FAM185A: variants seen among roughly 807,000 people sequenced by gnomAD.
The protein encoded by FAM185A is protein FAM185A.
In FAM185A, 21 loss-of-function variants were observed where a neutral mutation model predicts 45.7. The observed-to-expected ratio is 0.46, with a 90% CI of 0.33 to 0.66. FAM185A has a LOEUF of 0.66. Ranked by LOEUF, FAM185A falls within the 30% of genes least tolerant of loss-of-function variation. FAM185A has a pLI of 0.03. For synonymous variants in FAM185A, 117 were observed against 194.0 expected (o/e 0.60, Z 3.30); for missense variants, 305 against 485.4 (o/e 0.63, Z 3.49).
chr7:102,766,168 T>C (rs1425608238), intron 4 of FAM185A, among the ~76,000 whole-genome samples: 1 of 152,408 alleles, frequency 6.6e-6, no homozygotes, highest in Admixed American at 6.5e-5. Flanking sequence ...CTGATTCGAT[T>C]AAGATGTAAG....
At chr7:102,831,319 G>A in the FAM185A span, among the ~76,000 whole-genome samples, 1 of 151,962 alleles carries the variant, frequency 6.6e-6, no homozygotes, top group East Asian at 1.9e-4. Flanking sequence ...AAGGTCTGGA[G>A]GGATGGGATC....
chr7:102,796,275 A>T (rs866214522), intron 7 of FAM185A, among the ~76,000 whole-genome samples: 25 of 152,218 alleles, frequency 1.6e-4, no homozygotes, highest in Admixed American at 1.5e-3. Context: ...GACTGAGTTT[A>T]GGGTCTGCAA....
intron 7 of FAM185A, among the ~76,000 whole-genome samples, chr7:102,800,224 C>A (rs1234052454): frequency 6.6e-6 from 1 of 152,120 alleles, no homozygotes; most frequent in African/African-American, 2.4e-5. Context: ...CAAGAGAACA[C>A]CCCATGGGAC....
the FAM185A span, among the ~76,000 whole-genome samples, chr7:102,837,123 G>A: frequency 6.6e-6 from 1 of 152,098 alleles, no homozygotes; most frequent in Admixed American, 6.5e-5. Flanking sequence ...TATCTACTTC[G>A]CATATCCCAT....
At chr7:102,815,683 C>T in the FAM185A span, among the ~76,000 whole-genome samples, 1 of 152,048 alleles carries the variant, frequency 6.6e-6, no homozygotes, top group Non-Finnish European at 1.5e-5. Flanking sequence ...AAAAGATTTG[C>T]AAATCCTCAT....
intron 1 of FAM185A, among the ~76,000 whole-genome samples, chr7:102,751,014 A>G (rs1206905515): frequency 6.6e-6 from 1 of 152,084 alleles, no homozygotes; most frequent in Non-Finnish European, 1.5e-5. Context: ...CACGGTTTTA[A>G]GCAATCTTCT....
the FAM185A span, among the ~76,000 whole-genome samples, chr7:102,847,546 A>T: frequency 6.6e-6 from 1 of 151,924 alleles, no homozygotes; most frequent in African/African-American, 2.4e-5. Flanking sequence ...CTTTTTTTTG[A>T]CATGGAGTCT....
At chr7:102,834,439 TATTATATATATGTG>T in the FAM185A span, among the ~76,000 whole-genome samples, 1 of 130,352 alleles carries the variant, frequency 7.7e-6, no homozygotes, top group Admixed American at 7.6e-5. Context: ...TGATTATATA[TATTATATATATGTG>T]ATTATATATA....
At chr7:102,817,909 G>A in the FAM185A span, among the ~76,000 whole-genome samples, 2 of 152,200 alleles carry the variant, frequency 1.3e-5, no homozygotes, top group Non-Finnish European at 2.9e-5. Context: ...TTATCCTGGT[G>A]AGAGGTTTCT....
chr7:102,843,755 G>A, the FAM185A span, among the ~76,000 whole-genome samples: 11 of 152,130 alleles, frequency 7.2e-5, no homozygotes, highest in Non-Finnish European at 1.5e-5. Flanking sequence ...CAGCCTGGGC[G>A]ACAGAGCGAG....
the FAM185A span, among the ~76,000 whole-genome samples, chr7:102,825,093 C>T: frequency 6.6e-6 from 1 of 152,220 alleles, no homozygotes; most frequent in Admixed American, 6.5e-5. Flanking sequence ...ATTTAAATAA[C>T]ATTTTGATGA....
At chr7:102,844,729 G>A in the FAM185A span, among the ~76,000 whole-genome samples, 1 of 152,152 alleles carries the variant, frequency 6.6e-6, no homozygotes, top group Non-Finnish European at 1.5e-5. Flanking sequence ...ATTAACTGGA[G>A]TTAGCACAGA....
At chr7:102,766,388 A>G (rs934930094) in intron 4 of FAM185A, among the ~76,000 whole-genome samples, 3 of 152,252 alleles carry the variant, frequency 2.0e-5, no homozygotes, top group Non-Finnish European at 4.4e-5. Flanking sequence ...TTGTTCTTCA[A>G]CTATTTGGCA....
chr7:102,832,135 C>A, the FAM185A span, among the ~76,000 whole-genome samples: 1 of 152,154 alleles, frequency 6.6e-6, no homozygotes, highest in Non-Finnish European at 1.5e-5. Context: ...TGGATATTTA[C>A]TTTCTCCCTT....
At chr7:102,837,620 A>T in the FAM185A span, among the ~76,000 whole-genome samples, 1 of 152,148 alleles carries the variant, frequency 6.6e-6, no homozygotes, top group East Asian at 1.9e-4. Flanking sequence ...TAGCAGCATG[A>T]TCATAGCTCA....
the FAM185A span, among the ~76,000 whole-genome samples, chr7:102,834,086 AAAAGAAAGAAAG>A: frequency 6.3e-3 from 593 of 93,614 alleles, 6 homozygotes; most frequent in South Asian, 0.011. Context: ...GGAAGGAAAG[AAAAGAAAGAAAG>A]AAAGAAAGAA....
In FAM185A at chr7:102,749,310, C is replaced by A. The variant is rs1231118727; in HGVS notation, c.103C>A (p.Gln35Lys). The A allele has an allele frequency of 6.5e-7, 1 of 1,549,630 alleles. No individual in the cohort carries two copies. ...GAGRWACWAC[Q>K]ARPYSSGGSE... ...TGGGCGCTGGGCTTGCTGGGCTTGC[C>A]AAGCCAGGCCGTACAGCTCAGGTGG... is the stretch of plus-strand genomic sequence containing the variant. The change falls in exon 1 of 8, where the codon CAA becomes AAA. Residue 35 changes from glutamine to lysine, a missense_variant. Around this residue, in one of 5 missense-constraint regions of FAM185A, gnomAD observed 174 missense variants for 247.1 expected, o/e 0.70. Coordinates refer to ENST00000413034, the MANE Select transcript of FAM185A (RefSeq NM_001145268.2).
At position 102,749,374 on chromosome 7, in the gene FAM185A, C is replaced by T; in HGVS notation, c.167C>T (p.Pro56Leu). Reference sequence around the variant, plus strand: ...CCCGGATCGGAGACTGAGGTCCCTCCGCCTGGCCCGGGGCGCCGAACTCTG... The same window carrying T: ...CCCGGATCGGAGACTGAGGTCCCTCTGCCTGGCCCGGGGCGCCGAACTCTG... The part of the protein sequence containing the change: ...RWPGSETEVP[P>L]PGPGRRTLKE... The change falls in exon 1 of 8, where the codon CCG becomes CTG. Residue 56 changes from proline to leucine, a missense_variant. Physicochemically the swap from Pro to Leu is moderately conservative, Grantham distance 98. Around this residue, in one of 5 missense-constraint regions of FAM185A, gnomAD observed 174 missense variants for 247.1 expected, o/e 0.70. Coordinates refer to ENST00000413034, the MANE Select transcript of FAM185A (RefSeq NM_001145268.2). 6.5e-7 allele frequency: 1 copy of T among 1,548,578 alleles called. No homozygotes were observed. The highest frequency in any genetic ancestry group is 8.7e-7 in the Non-Finnish European group (1 of 1,146,596).
intron 4 of FAM185A, among the ~76,000 whole-genome samples, chr7:102,766,821 G>A (rs1247181788): frequency 1.3e-5 from 2 of 151,834 alleles, no homozygotes; most frequent in Non-Finnish European, 2.9e-5. Context: ...TTTGAGAGAA[G>A]TCTCACTCTT....
Sources: allele counts gnomAD v4.1 joint callset (sites outside exome capture counted in the v4.1 genomes callset), GRCh38; gene constraint gnomAD v4.1.1; regional missense constraint gnomAD v4.1.1; transcripts MANE v1.5; gene names NCBI Gene and HGNC (gene_info 2026-07-23, HGNC 2026-07-21).